The following PRKN variants were observed in gnomAD, a reference collection of about 807,000 sequenced individuals.
The protein encoded by PRKN is E3 ubiquitin-protein ligase parkin.
In PRKN, 56 loss-of-function variants were observed where a neutral mutation model predicts 59.5. The observed-to-expected ratio is 0.94, with a 90% CI of 0.76 to 1.18. The LOEUF (loss-of-function observed/expected upper bound fraction) is 1.18. Ranked by LOEUF, PRKN falls within the 50% of genes most tolerant of loss-of-function variation. The pLI is 0.00. For synonymous variants in PRKN, 250 were observed against 222.1 expected (o/e 1.13, Z -1.12); for missense variants, 657 against 596.4 (o/e 1.10, Z -1.06).
At chr6:161,999,672 A>G (rs1781976649) in intron 5 of PRKN, among the ~76,000 whole-genome samples, 2 of 152,112 alleles carry the variant, frequency 1.3e-5, no homozygotes, top group Admixed American at 6.6e-5. Flanking sequence ...AGTGGTAGGC[A>G]CAGATAGGAA....
chr6:162,507,500 T>C (rs1793661284), intron 1 of PRKN, among the ~76,000 whole-genome samples: 1 of 152,306 alleles, frequency 6.6e-6, no homozygotes, highest in East Asian at 1.9e-4. Flanking sequence ...CAGCACCATA[T>C]TGACAGCCTC....
intron 6 of PRKN, among the ~76,000 whole-genome samples, chr6:161,915,668 C>T (rs1400146783): frequency 6.6e-6 from 1 of 152,166 alleles, no homozygotes; most frequent in African/African-American, 2.4e-5. Context: ...ACAGGCATGC[C>T]AATCAGTTTG....
chr6:161,490,592 T>C (rs978628217), intron 9 of PRKN, among the ~76,000 whole-genome samples: 2 of 152,180 alleles, frequency 1.3e-5, no homozygotes, highest in Admixed American at 1.3e-4. Flanking sequence ...GGTTTCTTCA[T>C]GTTGGCCAGG....
intron 1 of PRKN, among the ~76,000 whole-genome samples, chr6:162,687,197 T>G (rs562976808): frequency 6.6e-6 from 1 of 151,012 alleles, no homozygotes; most frequent in South Asian, 2.1e-4. Flanking sequence ...TCTTTTTTTT[T>G]TTTTTTGAGA....
chr6:161,667,802 C>T (rs1397168563), intron 7 of PRKN, among the ~76,000 whole-genome samples: 1 of 152,070 alleles, frequency 6.6e-6, no homozygotes, highest in Admixed American at 6.6e-5. Context: ...ACAGGTAATT[C>T]TTATTATAAT....
At chr6:162,211,957 C>T (rs1056065544) in intron 3 of PRKN, among the ~76,000 whole-genome samples, 1 of 152,086 alleles carries the variant, frequency 6.6e-6, no homozygotes, top group Non-Finnish European at 1.5e-5. Flanking sequence ...TGTCATCATG[C>T]TGGGGGGAAA....
At chr6:162,288,066 C>G (rs1781274322) in intron 2 of PRKN, among the ~76,000 whole-genome samples, 1 of 152,108 alleles carries the variant, frequency 6.6e-6, no homozygotes, top group African/African-American at 2.4e-5. Context: ...TGCTCAAGAG[C>G]TAAAATCTTC....
intron 6 of PRKN, among the ~76,000 whole-genome samples, chr6:161,786,889 T>TA (rs1790441580): frequency 7.1e-6 from 1 of 140,196 alleles, no homozygotes; most frequent in African/African-American, 2.5e-5. Flanking sequence ...TAATTTTTTT[T>TA]ATCCCTTTAA....
At chr6:161,642,126 A>G (rs1304484132) in intron 7 of PRKN, among the ~76,000 whole-genome samples, 1 of 152,212 alleles carries the variant, frequency 6.6e-6, no homozygotes, top group Non-Finnish European at 1.5e-5. Context: ...TATTTAAAAT[A>G]ATAAAAAGAA....
chr6:161,773,785 C>T (rs901021243), intron 7 of PRKN, among the ~76,000 whole-genome samples: 1 of 152,054 alleles, frequency 6.6e-6, no homozygotes, highest in Non-Finnish European at 1.5e-5. Flanking sequence ...TTTGCTTTCT[C>T]AAATGTTATT....
At chr6:161,746,231 C>T (rs998549256) in intron 7 of PRKN, among the ~76,000 whole-genome samples, 1 of 152,084 alleles carries the variant, frequency 6.6e-6, no homozygotes, top group Non-Finnish European at 1.5e-5. Context: ...TTTCATTGTG[C>T]CACACTGCCT....
intron 7 of PRKN, among the ~76,000 whole-genome samples, chr6:161,746,676 A>G (rs1008901142): frequency 2.0e-5 from 3 of 146,824 alleles, no homozygotes; most frequent in Admixed American, 1.4e-4. Context: ...GTATATCTAT[A>G]GATATATCTA....
At chr6:161,878,966 G>A (rs1321669163) in intron 6 of PRKN, among the ~76,000 whole-genome samples, 1 of 152,168 alleles carries the variant, frequency 6.6e-6, no homozygotes, top group East Asian at 1.9e-4. Flanking sequence ...GTCAGTCTTT[G>A]AGAGTTCCAG....
intron 6 of PRKN, among the ~76,000 whole-genome samples, chr6:161,926,495 T>G (rs1312402262): frequency 6.6e-6 from 1 of 152,130 alleles, no homozygotes; most frequent in Non-Finnish European, 1.5e-5. Flanking sequence ...GATGAAGTAC[T>G]GAATAAATAT....
At chr6:161,519,251 T>C (rs1778730392) in intron 9 of PRKN, among the ~76,000 whole-genome samples, 1 of 152,142 alleles carries the variant, frequency 6.6e-6, no homozygotes, top group Admixed American at 6.5e-5. Flanking sequence ...TGAATCCTGC[T>C]CACCTTTAAA....
intron 2 of PRKN, among the ~76,000 whole-genome samples, chr6:162,277,924 C>A (rs79604661): frequency 0.034 from 5,215 of 152,150 alleles, 259 homozygotes; most frequent in African/African-American, 0.11. Context: ...GAGTATTTAC[C>A]CAAAGGAGTT....
chr6:162,102,933 C>G (rs1780035588), intron 4 of PRKN, among the ~76,000 whole-genome samples: 1 of 151,182 alleles, frequency 6.6e-6, no homozygotes, highest in Non-Finnish European at 1.5e-5. Context: ...ATCCCAGCTA[C>G]TTGGGAGGCT....
chr6:162,030,627 C>T lies in PRKN; in HGVS notation c.618+23464G>A, dbSNP rs192540708. Among the ~76,000 whole-genome samples, 198 of 152,310 alleles carry T rather than the reference C, an allele frequency of 1.3e-3. 2 individuals carry two copies. Among genetic ancestry groups the T allele is most frequent in the Non-Finnish European group, 9.1e-4 (62 of 68,034 alleles). ...CCTGTTCTAAGTGCAACTTTTTCTG[C>T]TGTCTCAGAATTTGGGCAGAGGCTC... On this transcript the variant is annotated intron_variant, in intron 5 of 11. Transcript: ENST00000366898.
rs1235157233 is a variant in PRKN, at chr6:161,484,947, T to TC, written c.1083+63906dup. 6.6e-6 allele frequency among the ~76,000 whole-genome samples: 1 copy of TC among 152,050 alleles called. No homozygotes were observed. The highest frequency in any genetic ancestry group is 1.5e-5 in the Non-Finnish European group (1 of 68,018). Reference sequence around the variant, plus strand: ...CCACCTGCCTTTGCTGCCGCCGGCTTCCCCCTGCTTCTTTGAGGCAAAAAT... The same window carrying TC: ...CCACCTGCCTTTGCTGCCGCCGGCTTCCCCCCTGCTTCTTTGAGGCAAAAAT... On this transcript the variant is annotated intron_variant, in intron 9 of 11. Transcript: ENST00000366898. The surrounding 1 kb of genome is among the most constrained non-coding windows in gnomAD (Gnocchi z 4.9).
Sources: allele counts gnomAD v4.1 joint callset (sites outside exome capture counted in the v4.1 genomes callset), GRCh38; gene constraint gnomAD v4.1.1; non-coding constraint Gnocchi (gnomAD v3.1); transcripts MANE v1.5; gene names NCBI Gene and HGNC (gene_info 2026-07-23, HGNC 2026-07-21).